Variants in THUMPD2 observed in about 807,000 individuals in gnomAD.
THUMPD2 encodes THUMP domain 2 tRNA and snRNA guanosine methyltransferase, also known as U6 snRNA (guanine-N(2))-methyltransferase THUMPD2.
In THUMPD2, 56 loss-of-function variants were observed where a neutral mutation model predicts 49.4. The observed-to-expected ratio is 1.13, with a 90% confidence interval of 0.91 to 1.41. The LOEUF (loss-of-function observed/expected upper bound fraction) is 1.41. Among genes scored for constraint, THUMPD2 ranks in the 40% most tolerant of loss-of-function variants. The pLI is 0.00. For missense variants in THUMPD2, 709 were observed against 594.5 expected (o/e 1.19, Z -2.00); for synonymous variants, 237 against 205.2 (o/e 1.15, Z -1.32).
intron 8 of THUMPD2, among the ~76,000 whole-genome samples, chr2:39,754,127 A>G (rs766210491): frequency 2.6e-5 from 4 of 152,188 alleles, no homozygotes; most frequent in African/African-American, 9.7e-5. Context: ...TGGAGAATGT[A>G]AAGGGATTGA....
In THUMPD2 at chr2:39,752,048, G is replaced by C. The variant is rs577889747; in HGVS notation, c.1078+3247C>G. Reference sequence around the variant, plus strand: ...AAACAAAGTGAATGCTTATTAAAAAGGTAGAAAAAATAAAGTCATTAATGC... The same window carrying C: ...AAACAAAGTGAATGCTTATTAAAAACGTAGAAAAAATAAAGTCATTAATGC... On this transcript the variant is annotated intron_variant, in intron 8 of 9. Coordinates refer to ENST00000505747, the MANE Select transcript of THUMPD2 (RefSeq NM_025264.5). 5.3e-5 allele frequency among the ~76,000 whole-genome samples: 8 copies of C among 152,050 alleles called. No individual in the cohort carries two copies. In the South Asian group the frequency reaches 1.7e-3, roughly 32 times the overall value.
At position 39,738,892 on chromosome 2, in the gene THUMPD2, C is replaced by T. The variant is rs188100090; in HGVS notation, c.1188-1833G>A. ...CATTATTTCAAGAAGTTCAGCTGTA[C>T]AGGAAAAGAAACAGTGGCAGCTAAA... On this transcript the variant is annotated intron_variant, in intron 9 of 9. Coordinates refer to ENST00000505747, the MANE Select transcript of THUMPD2 (RefSeq NM_025264.5). Among the ~76,000 whole-genome samples the T allele has an allele frequency of 9.2e-4, 140 of 151,896 alleles. 1 individual carries two copies. Among genetic ancestry groups the T allele is most frequent in the Middle Eastern group, 3.4e-3 (1 of 294 alleles).
intron 9 of THUMPD2, 128 bp from the exon 10 acceptor site, chr2:39,737,187 T>C: frequency 2.3e-6 from 2 of 860,686 alleles, no homozygotes; most frequent in Admixed American, 6.0e-5. Flanking sequence ...ATAAGGATTT[T>C]TGATAATTAG....
chr2:39,744,636 T>C (rs1674330703), intron 8 of THUMPD2, 158 bp from the exon 9 acceptor site: 6 of 475,790 alleles, frequency 1.3e-5, no homozygotes, highest in Non-Finnish European at 1.8e-5. Context: ...CCCAAAATGC[T>C]TTCACAATCA....
chr2:39,747,372 C>T (rs1224724033), intron 8 of THUMPD2, among the ~76,000 whole-genome samples: 1 of 151,998 alleles, frequency 6.6e-6, no homozygotes, highest in Non-Finnish European at 1.5e-5. Context: ...TACAAGAGGG[C>T]GTAAAGCTTT....
intron 8 of THUMPD2, among the ~76,000 whole-genome samples, chr2:39,744,970 G>A (rs1270244661): frequency 6.6e-6 from 1 of 152,062 alleles, no homozygotes; most frequent in Non-Finnish European, 1.5e-5. Flanking sequence ...CTAGAGAAAA[G>A]GCTACATAAT....
chr2:39,751,681 A>ATTTTTT lies in THUMPD2; in HGVS notation c.1078+3608_1078+3613dup, dbSNP rs11284104. The stretch of plus-strand genomic sequence containing the variant: ...ACATATGATTTATTCATATTAAAAG[A>ATTTTTT]TTTTTTTTTTTTTTTTTTTTTGAGA... On this transcript the variant is annotated intron_variant, in intron 8 of 9. Transcript: ENST00000505747. Among the ~76,000 whole-genome samples the ATTTTTT allele has an allele frequency of 7.5e-5, 9 of 119,954 alleles. No individual in the cohort carries two copies. In the East Asian group the frequency reaches 7.7e-4, roughly 10 times the overall value. The allele number at this position is 119,954 out of a possible 152,430, so 78.7% of individuals were successfully genotyped here.
rs187948635 is a variant in THUMPD2, at chr2:39,773,003, T to C, written c.127-1363A>G. Among the ~76,000 whole-genome samples, 952 of 152,082 alleles carry C rather than the reference T, an allele frequency of 6.3e-3. 2 individuals carry two copies. The highest frequency in any genetic ancestry group is 9.5e-3 in the Non-Finnish European group (645 of 68,000). On this transcript the variant is annotated intron_variant, in intron 1 of 9. Transcript: ENST00000505747. ...GCTGACAGCAAAGCACTGACCAAAA[T>C]AGATGGAGGAACAGACAATGACATT...
At chr2:39,749,185 T>C (rs888365252) in intron 8 of THUMPD2, among the ~76,000 whole-genome samples, 2 of 152,248 alleles carry the variant, frequency 1.3e-5, no homozygotes, top group East Asian at 1.9e-4. Flanking sequence ...AGCACACAGA[T>C]TGGCAATGCC....
chr2:39,749,275 AAAAG>A (rs991187796), intron 8 of THUMPD2, among the ~76,000 whole-genome samples: 1 of 152,212 alleles, frequency 6.6e-6, no homozygotes, highest in African/African-American at 2.4e-5. Context: ...AAGAGAGTAA[AAAAG>A]AAACAAAGCT....
chr2:39,769,142 C>T (rs1413177471), intron 3 of THUMPD2: 1 of 1,260,510 alleles, frequency 7.9e-7, no homozygotes, highest in East Asian at 5.7e-5. Flanking sequence ...TGAAGAGAAA[C>T]CCCAAAAGCT....
intron 9 of THUMPD2, among the ~76,000 whole-genome samples, chr2:39,737,968 G>A (rs530664214): frequency 6.6e-6 from 1 of 152,264 alleles, no homozygotes; most frequent in East Asian, 1.9e-4. Flanking sequence ...ATGTACCTAA[G>A]GAACACATAA....
At chr2:39,769,320 T>C (rs1677984429) in intron 3 of THUMPD2, 1 of 257,894 alleles carries the variant, frequency 3.9e-6, no homozygotes, top group African/African-American at 2.2e-5. Context: ...TTTAATTCCA[T>C]AAGAACTAAT....
At chr2:39,745,088 C>T (rs1674393563) in intron 8 of THUMPD2, among the ~76,000 whole-genome samples, 1 of 152,164 alleles carries the variant, frequency 6.6e-6, no homozygotes. Flanking sequence ...GAAAGTAACA[C>T]AGTACACTCT....
At chr2:39,768,358 G>C (rs1677833715) in intron 4 of THUMPD2, 66 bp downstream of exon 4, 11 of 1,303,256 alleles carry the variant, frequency 8.4e-6, no homozygotes, top group Non-Finnish European at 1.2e-5. Context: ...AGTATGATAA[G>C]AATACAGGAC....
intron 2 of THUMPD2, 107 bp downstream of exon 2, chr2:39,771,396 CAT>C (rs530721448): frequency 3.7e-5 from 40 of 1,091,362 alleles, no homozygotes; most frequent in Middle Eastern, 5.2e-4. Context: ...TGATCCCACA[CAT>C]GTCAATGAAT....
intron 3 of THUMPD2, chr2:39,768,765 G>A (rs1677889858): frequency 1.3e-6 from 1 of 748,934 alleles, no homozygotes; most frequent in Non-Finnish European, 2.0e-6. Flanking sequence ...TTAGGTATAT[G>A]AAATAACTAG....
chr2:39,765,302 GGT>G (rs2148312891), intron 5 of THUMPD2, among the ~76,000 whole-genome samples: 1 of 152,192 alleles, frequency 6.6e-6, no homozygotes, highest in African/African-American at 2.4e-5. Flanking sequence ...TGGAATTACA[GGT>G]GCCTGCTACC....
At chr2:39,742,089 C>CTATT (rs1473550264) in intron 9 of THUMPD2, among the ~76,000 whole-genome samples, 1 of 152,084 alleles carries the variant, frequency 6.6e-6, no homozygotes, top group Non-Finnish European at 1.5e-5. Flanking sequence ...GACTGAAGAA[C>CTATT]TATTAAGTAA....
Sources: gnomAD v4.1 joint callset for allele counts (sites outside exome capture counted in the v4.1 genomes callset) on GRCh38, gnomAD v4.1.1 for gene constraint, MANE v1.5 for transcripts, NCBI Gene and HGNC (gene_info 2026-07-23, HGNC 2026-07-21) for gene names.